Variants in RBL1 observed in about 807,000 individuals in gnomAD.
The protein encoded by RBL1 is RB transcriptional corepressor like 1.
In RBL1, 82 loss-of-function variants were observed where a neutral mutation model predicts 123.0. The observed-to-expected ratio is 0.67, with a 90% CI of 0.56 to 0.80. The LOEUF (loss-of-function observed/expected upper bound fraction) is 0.80, where lower values mean the gene tolerates loss of function less well. Among genes scored for constraint, RBL1 ranks in the 30% least tolerant of loss-of-function variants. RBL1 has a pLI of 0.00. For synonymous variants in RBL1, 405 were observed against 441.3 expected (o/e 0.92, Z 1.03); for missense variants, 1,171 against 1,299.6 (o/e 0.90, Z 1.52).
chr20:37,030,577 C>T lies in RBL1; in HGVS notation c.2382+2088G>A, dbSNP rs536764650. On this transcript the variant is annotated intron_variant, in intron 16 of 21. Coordinates refer to ENST00000373664, the MANE Select transcript of RBL1 (RefSeq NM_002895.5). The stretch of plus-strand genomic sequence containing the variant: ...CTACAAAAAAGTTCAAAAACAGGCC[C>T]GGCGTGGTGGCTCACACCTGTAATC... Among the ~76,000 whole-genome samples the T allele has an allele frequency of 1.9e-4, 28 of 149,660 alleles. 1 individual carries two copies. The South Asian group carries it at 4.7e-3, about 25-fold the overall frequency.
intron 19 of RBL1, among the ~76,000 whole-genome samples, chr20:37,012,976 C>G (rs937724596): frequency 1.1e-4 from 17 of 151,844 alleles, no homozygotes; most frequent in African/African-American, 4.1e-4. Context: ...GGGGGTCAGC[C>G]CCCCGCCCGG....
At chr20:37,067,787 A>C (rs1413076523) in intron 3 of RBL1, among the ~76,000 whole-genome samples, 199 bp downstream of exon 3, 1 of 151,238 alleles carries the variant, frequency 6.6e-6, no homozygotes, top group Non-Finnish European at 1.5e-5. Context: ...AAAAAAAAAA[A>C]AAAACAACAA....
In RBL1 at chr20:37,032,800, A is replaced by C. The variant is rs1362643562; in HGVS notation, c.2247T>G (p.Ser749Arg). 4 of 1,613,774 alleles carry C rather than the reference A, an allele frequency of 2.5e-6. No homozygotes were observed. The highest frequency in any genetic ancestry group is 3.4e-6 in the Non-Finnish European group (4 of 1,179,956). ...ATGAATGAGCAGTAAGTGATACAGG[A>C]CTCTTGACTTTGGACTCCTGATTTG... is the stretch of plus-strand genomic sequence containing the variant. ...MNTNQESKVK[S>R]PVSLTAHSLI... Residue 749 changes from serine (S) to arginine (R), a missense_variant, in exon 16 of 22, where the codon AGT becomes AGG. By Grantham distance (110) the Ser-to-Arg change is moderately radical. Transcript: ENST00000373664.
At chr20:37,094,863 C>T (rs2065703616) in intron 1 of RBL1, among the ~76,000 whole-genome samples, 1 of 152,202 alleles carries the variant, frequency 6.6e-6, no homozygotes, top group Non-Finnish European at 1.5e-5. Context: ...GTCTCGAACT[C>T]CTGGCCTCAA....
rs2063914897 is a variant in RBL1 at position 36,998,651 on chromosome 20, T to C, written c.*108A>G. The C allele has an allele frequency of 1.0e-6, 1 of 992,400 alleles. No homozygotes were observed. The highest frequency in any genetic ancestry group is 1.4e-6 in the Non-Finnish European group (1 of 707,698). The allele number at this position is 992,400 out of a possible 1,614,324, so 61.5% of individuals were successfully genotyped here. ...ATAATTTTTGTGCAATTTTTTCTTATAACCCAGTGATATTTATCATCTATA... is the reference window on the plus strand; with the variant it reads ...ATAATTTTTGTGCAATTTTTTCTTACAACCCAGTGATATTTATCATCTATA... On this transcript the variant is annotated 3_prime_UTR_variant, in exon 22 of 22. Transcript: ENST00000373664.
At chr20:37,055,485 C>T in intron 11 of RBL1, 68 bp downstream of exon 11, 3 of 1,608,574 alleles carry the variant, frequency 1.9e-6, no homozygotes, top group Non-Finnish European at 2.5e-6. Flanking sequence ...CTTACAGAGC[C>T]TCTCAAAACA....
intron 15 of RBL1, among the ~76,000 whole-genome samples, chr20:37,034,545 G>A (rs2064571046): frequency 6.6e-6 from 1 of 151,968 alleles, no homozygotes; most frequent in Admixed American, 6.6e-5. Context: ...TTAGCTGGGA[G>A]TGGTGGCACT....
At chr20:37,006,855 A>G (rs1037432200) in intron 20 of RBL1, among the ~76,000 whole-genome samples, 1 of 150,990 alleles carries the variant, frequency 6.6e-6, no homozygotes, top group East Asian at 2.0e-4. Context: ...AAAAAAAAAA[A>G]GAAAACAAAA....
At chr20:37,079,096 T>A (rs1308883055) in intron 2 of RBL1, among the ~76,000 whole-genome samples, 1 of 148,416 alleles carries the variant, frequency 6.7e-6, no homozygotes, top group Non-Finnish European at 1.5e-5. Context: ...CCCAGCTACT[T>A]GGGAGGGTGA....
At chr20:37,032,094 T>C (rs926176737) in intron 16 of RBL1, among the ~76,000 whole-genome samples, 2 of 151,794 alleles carry the variant, frequency 1.3e-5, no homozygotes, top group East Asian at 1.9e-4. Flanking sequence ...TAACTCACAA[T>C]AGCCAAAAGG....
At chr20:37,053,476 G>A (rs1337632610) in intron 11 of RBL1, among the ~76,000 whole-genome samples, 1 of 152,126 alleles carries the variant, frequency 6.6e-6, no homozygotes, top group Non-Finnish European at 1.5e-5. Flanking sequence ...GTCCTGACTA[G>A]GGTTGGGGCC....
chr20:37,047,794 T>G (rs1389659691), intron 11 of RBL1, among the ~76,000 whole-genome samples: 2 of 151,928 alleles, frequency 1.3e-5, no homozygotes, highest in Admixed American at 1.3e-4. Flanking sequence ...AGCTTGGCCA[T>G]GATGGTGAAA....
chr20:37,078,885 G>A (rs1481969926), intron 2 of RBL1, among the ~76,000 whole-genome samples: 1 of 150,960 alleles, frequency 6.6e-6, no homozygotes. Flanking sequence ...TTTTTTTGGG[G>A]GGCGGGCAGG....
intron 11 of RBL1, among the ~76,000 whole-genome samples, chr20:37,051,707 C>A (rs1452065177): frequency 6.9e-6 from 1 of 145,656 alleles, no homozygotes; most frequent in Admixed American, 6.9e-5. Context: ...AAAAAGAAAA[C>A]AAAATTAAAA....
At chr20:37,066,941 T>C in intron 5 of RBL1, 52 bp downstream of exon 5, 2 of 1,595,540 alleles carry the variant, frequency 1.3e-6, no homozygotes, top group Non-Finnish European at 8.5e-7. Context: ...CTTTTAAAAA[T>C]CTTTTTCCAA....
chr20:37,003,894 T>C, intron 20 of RBL1, 28 bp from the exon 21 acceptor site: 1 of 1,555,450 alleles, frequency 6.4e-7, no homozygotes, highest in Non-Finnish European at 8.7e-7. Context: ...TCAGATTTTT[T>C]AGATAAAAGT....
At chr20:37,040,572 C>T (rs923266625) in intron 13 of RBL1, among the ~76,000 whole-genome samples, 1 of 152,078 alleles carries the variant, frequency 6.6e-6, no homozygotes, top group South Asian at 2.1e-4. Context: ...AGGCTGATCT[C>T]GAATTCCTGA....
rs2146294243 is a variant in RBL1 at position 37,061,269 on chromosome 20, T to C, written c.1084A>G (p.Lys362Glu). 2 of 1,605,228 alleles carry C rather than the reference T, an allele frequency of 1.2e-6. No homozygotes were observed. The highest frequency in any genetic ancestry group is 2.7e-5 in the African/African-American group (2 of 74,756). The change falls in exon 9 of 22, where the codon AAA becomes GAA. Residue 362 changes from lysine to glutamate, a missense_variant and splice_region_variant. By Grantham distance (56) the Lys-to-Glu change is moderately conservative (BLOSUM62 1). Coordinates refer to ENST00000373664, the MANE Select transcript of RBL1 (RefSeq NM_002895.5). ...GGGGTAGAAGGTGCAAATGACCTTT[T>C]CTGTCAGAAAAGAAAAATCCGTGAG... ...EYNLQQHFEKKRSFAPSTPLT... is the reference protein window; with the variant it reads ...EYNLQQHFEKERSFAPSTPLT...
rs910427635 is a variant in RBL1, at chr20:37,052,388, G to T, written c.1467+3165C>A. ...TCTCTGTCTTCCACGTGGGAGTGCA[G>T]TGGTGTGATCTCGGCTCACTGCAAC... On this transcript the variant is annotated intron_variant, in intron 11 of 21. Coordinates refer to ENST00000373664, the MANE Select transcript of RBL1 (RefSeq NM_002895.5). Among the ~76,000 whole-genome samples the T allele has an allele frequency of 7.2e-5, 11 of 152,166 alleles. No homozygotes were observed. In the East Asian group the frequency reaches 2.1e-3, roughly 29 times the overall value.
Sources: gnomAD v4.1 joint callset for allele counts (sites outside exome capture counted in the v4.1 genomes callset) on GRCh38, gnomAD v4.1.1 for gene constraint, MANE v1.5 for transcripts, NCBI Gene and HGNC (gene_info 2026-07-23, HGNC 2026-07-21) for gene names.